MAP7D2: variants seen among roughly 807,000 people sequenced by gnomAD.
MAP7D2 encodes the protein MAP7 domain containing 2.
MAP7D2 carries 33 observed loss-of-function variants against 63.5 expected under a neutral mutation model. The ratio of observed to expected loss-of-function variants is 0.52; its 90% CI spans 0.39 to 0.70. The LOEUF (loss-of-function observed/expected upper bound fraction) is 0.70, where lower values mean the gene tolerates loss of function less well. Among genes scored for constraint, MAP7D2 ranks in the 30% least tolerant of loss-of-function variants. MAP7D2 has a pLI of 0.00. For synonymous variants in MAP7D2, 224 were observed against 223.7 expected (o/e 1.00, Z -0.01); for missense variants, 626 against 604.0 (o/e 1.04, Z -0.38).
intron 8 of MAP7D2, among the ~76,000 whole-genome samples, chrX:20,035,749 A>ACAAAAT (rs2074203237): frequency 9.2e-6 from 1 of 109,284 alleles, no homozygotes. Flanking sequence ...AAAAACAAAA[A>ACAAAAT]AACCCCACAA....
In MAP7D2 at chrX:20,017,332, C is replaced by T. The variant is rs754672315; in HGVS notation, c.1413-1007G>A. On this transcript the variant is annotated intron_variant, in intron 10 of 16. Transcript: ENST00000379643. ...TTAAAATGAATCCTCTCTCCAAGCC[C>T]CAATGTCCTTTAAAGTGCACCTATA... 3 of 112,321 alleles carry T rather than the reference C, an allele frequency of 2.7e-5. No individual in the cohort carries two copies. In the South Asian group the frequency reaches 1.1e-3, roughly 42 times the overall value. The allele number at this position is 112,321 out of a possible 1,213,427, so 9.3% of individuals were successfully genotyped here. A position where few individuals can be genotyped will look rare whatever the true frequency, so the allele number is the denominator to read the frequency against.
chrX:20,066,764 C>T (rs928825188), intron 1 of MAP7D2, among the ~76,000 whole-genome samples: 1 of 111,289 alleles, frequency 9.0e-6, no homozygotes, highest in African/African-American at 3.3e-5. Context: ...CCCACTGTCC[C>T]CCAGCCCTAT....
chrX:20,113,758 T>C (rs1287852390), intron 1 of MAP7D2, among the ~76,000 whole-genome samples: 1 of 111,252 alleles, frequency 9.0e-6, no homozygotes, highest in Non-Finnish European at 1.9e-5. Flanking sequence ...GGTACAGGCA[T>C]GCAATATGAA....
At chrX:20,059,589 T>TGGAAGGAAGGAAGGAAGGAAGGAA (rs778547441) in intron 3 of MAP7D2, among the ~76,000 whole-genome samples, 78 of 74,140 alleles carry the variant, frequency 1.1e-3, no homozygotes, top group African/African-American at 1.3e-3. Flanking sequence ...AGTGGAAGGG[T>TGGAAGGAAGGAAGGAAGGAAGGAA]GGAAGGAAGG....
chrX:20,064,187 C>T (rs1269600073), intron 2 of MAP7D2, among the ~76,000 whole-genome samples: 2 of 111,942 alleles, frequency 1.8e-5, no homozygotes, highest in African/African-American at 6.5e-5. Context: ...AAGAGAAGAA[C>T]CTGAAAGCTC....
chrX:20,094,139 T>G (rs1238809943), intron 1 of MAP7D2, among the ~76,000 whole-genome samples: 4 of 110,365 alleles, frequency 3.6e-5, no homozygotes, highest in Non-Finnish European at 7.6e-5. Flanking sequence ...TATAAACAAC[T>G]TGCTTTATGT....
chrX:20,030,187 C>A (rs749515028), intron 8 of MAP7D2, among the ~76,000 whole-genome samples: 10 of 112,066 alleles, frequency 8.9e-5, no homozygotes, highest in Non-Finnish European at 1.3e-4. Flanking sequence ...ATTTGATTGC[C>A]ACAGTAATCC....
In MAP7D2 at chrX:20,064,803, T is replaced by C; in HGVS notation, c.133A>G (p.Met45Val). 1 of 1,205,146 alleles carries C rather than the reference T, an allele frequency of 8.3e-7. No homozygotes were observed. The highest frequency in any genetic ancestry group is 1.1e-6 in the Non-Finnish European group (1 of 889,326). ...TSQPNYRPQG[M>V]EGFLKSDERQ... ...TCATCTGATTTCAAAAATCCCTCCA[T>C]GCCTACAAAGGAGAAAACTAGATTA... Residue 45 changes from methionine (M) to valine (V), a missense_variant and splice_region_variant, in exon 2 of 17, where the codon ATG becomes GTG. Met to Val is a conservative substitution (Grantham distance 21, BLOSUM62 1). Transcript: ENST00000379643.
chrX:20,059,212 T>C lies in MAP7D2; in HGVS notation c.373-2421A>G, dbSNP rs1371174860. Among the ~76,000 whole-genome samples the C allele has an allele frequency of 3.6e-5, 4 of 112,288 alleles. No homozygotes were observed. The East Asian group carries it at 8.3e-4, about 23-fold the overall frequency. ...CATTTAGAGCAATAGTTCTCAAATC[T>C]GAGAGATCAGGTAGGAGAATCCCCT... is the stretch of plus-strand genomic sequence containing the variant. On this transcript the variant is annotated intron_variant, in intron 3 of 16. Transcript: ENST00000379643.
chrX:20,044,437 T>G lies in MAP7D2; in HGVS notation c.806A>C (p.Lys269Thr), dbSNP rs1467696623. The G allele has an allele frequency of 8.3e-7, 1 of 1,209,321 alleles. No individual in the cohort carries two copies. Among genetic ancestry groups the G allele is most frequent in the Non-Finnish European group, 1.1e-6 (1 of 894,735 alleles). The change falls in exon 7 of 17, where the codon AAA becomes ACA. Residue 269 changes from lysine (K) to threonine (T), a missense_variant. Transcript: ENST00000379643. ...ACCAGATGTAGACGTAGATGTAGCTTTCTTCTTCTCAATGTTTCGAGTGGG... is the reference window on the plus strand; with the variant it reads ...ACCAGATGTAGACGTAGATGTAGCTGTCTTCTTCTCAATGTTTCGAGTGGG... ...SSPTRNIEKK[K>T]ATSTSTSGAG...
At chrX:20,062,575 C>T (rs1406122752) in intron 3 of MAP7D2, among the ~76,000 whole-genome samples, 1 of 111,178 alleles carries the variant, frequency 9.0e-6, no homozygotes, top group Admixed American at 9.6e-5. Context: ...ATCTTCATAT[C>T]CTATAGGGTT....
chrX:20,085,644 A>G (rs959986772), intron 1 of MAP7D2, among the ~76,000 whole-genome samples: 1 of 112,628 alleles, frequency 8.9e-6, no homozygotes, highest in Non-Finnish European at 1.9e-5. Flanking sequence ...TACATAGCCA[A>G]TATGGTCACT....
chrX:20,028,097 C>T (rs1469090209), intron 8 of MAP7D2, among the ~76,000 whole-genome samples: 1 of 111,948 alleles, frequency 8.9e-6, no homozygotes, highest in Non-Finnish European at 1.9e-5. Context: ...CACTAGGCTG[C>T]TAAATGTCTA....
At chrX:20,013,022 G>A (rs770882269) in intron 14 of MAP7D2, 32 bp downstream of exon 14, 1 of 1,153,206 alleles carries the variant, frequency 8.7e-7, no homozygotes, top group Non-Finnish European at 1.2e-6. Flanking sequence ...GCTACTAAAA[G>A]GAAGAACCCA....
intron 4 of MAP7D2, among the ~76,000 whole-genome samples, chrX:20,055,226 C>T (rs2065042765): frequency 2.7e-5 from 3 of 111,218 alleles, no homozygotes; most frequent in African/African-American, 9.8e-5. Context: ...TAAATAAAAT[C>T]AAGCACAAAG....
chrX:20,105,324 T>TTGC (rs1569153113), intron 1 of MAP7D2, among the ~76,000 whole-genome samples: 1 of 111,226 alleles, frequency 9.0e-6, no homozygotes, highest in African/African-American at 3.3e-5. Flanking sequence ...ACTGGTTGAG[T>TTGC]TGCTAAACCA....
At chrX:20,024,463 A>G (rs891769490) in intron 10 of MAP7D2, among the ~76,000 whole-genome samples, 3 of 112,157 alleles carry the variant, frequency 2.7e-5, no homozygotes, top group African/African-American at 9.7e-5. Flanking sequence ...GCCCCTACAC[A>G]CAACCCTATG....
At chrX:20,092,560 C>G (rs748978504) in intron 1 of MAP7D2, among the ~76,000 whole-genome samples, 1 of 112,358 alleles carries the variant, frequency 8.9e-6, no homozygotes, top group African/African-American at 3.2e-5. Context: ...CAGAATTCCT[C>G]TTCTTCCCCC....
chrX:20,044,102 C>A (rs977184154), intron 7 of MAP7D2, among the ~76,000 whole-genome samples: 1 of 112,417 alleles, frequency 8.9e-6, no homozygotes, highest in East Asian at 2.8e-4. Context: ...AACATTCCTT[C>A]TGACTCCTGT....
Sources: allele counts gnomAD v4.1 joint callset (sites outside exome capture counted in the v4.1 genomes callset), GRCh38; gene constraint gnomAD v4.1.1; transcripts MANE v1.5; gene names NCBI Gene and HGNC (gene_info 2026-07-23, HGNC 2026-07-21).